Variants in DRICH1 observed in about 807,000 individuals in gnomAD.
The protein encoded by DRICH1 is aspartate rich 1.
Under a neutral mutation model 39.5 loss-of-function variants are expected in DRICH1, and 38 were observed. The observed-to-expected ratio is 0.96, with a 90% confidence interval of 0.74 to 1.26. The LOEUF is 1.26. Among genes scored for constraint, DRICH1 ranks in the 50% most tolerant of loss-of-function variants. DRICH1 has a pLI of 0.00. For synonymous variants in DRICH1, 84 were observed against 99.5 expected, an observed-to-expected ratio of 0.84 and a Z score of 0.93; for missense variants, 279 against 270.4, an observed-to-expected ratio of 1.03 and a Z score of -0.22.
the DRICH1 span, among the ~76,000 whole-genome samples, chr22:23,600,137 C>A: frequency 6.6e-6 from 1 of 152,138 alleles, no homozygotes; most frequent in Admixed American, 6.5e-5. Flanking sequence ...CCCTGGGAGG[C>A]CTCTTGGGGG....
the DRICH1 span, among the ~76,000 whole-genome samples, chr22:23,593,570 G>A: frequency 6.6e-6 from 1 of 152,240 alleles, no homozygotes; most frequent in Non-Finnish European, 1.5e-5. Flanking sequence ...GGAGGCCAAG[G>A]CAGGCGAATC....
chr22:23,581,581 C>A, the DRICH1 span: 1 of 151,352 alleles, frequency 6.6e-6, no homozygotes, highest in Non-Finnish European at 1.5e-5. Flanking sequence ...AAAGCAGTAA[C>A]ATACACACAA....
chr22:23,589,492 ATG>A, the DRICH1 span, among the ~76,000 whole-genome samples: 56,586 of 149,920 alleles, frequency 0.38, 10,772 homozygotes, highest in South Asian at 0.42. Context: ...ATATATATAT[ATG>A]TGTGTATGTG....
At chr22:23,617,681 C>T (rs760612458) in intron 6 of DRICH1, 24 bp from the exon 7 acceptor site, 89 of 1,611,512 alleles carry the variant, frequency 5.5e-5, no homozygotes, top group Non-Finnish European at 7.3e-5. Context: ...GAGGAAAGAT[C>T]CGTGCCCTGG....
At position 23,624,762 on chromosome 22, in the gene DRICH1, G is replaced by A. The variant is rs865799788; in HGVS notation, c.298+121C>T. ...CCTCTCTGCTCATAATTATACACTC[G>A]CAGAATCATTTGCTCTCACCAGACC... On this transcript the variant is annotated intron_variant, in intron 3 of 11. Coordinates refer to ENST00000317749, the MANE Select transcript of DRICH1 (RefSeq NM_016449.4). 1.1e-4 allele frequency: 133 copies of A among 1,200,276 alleles called. 1 individual carries two copies. Among genetic ancestry groups the A allele is most frequent in the Middle Eastern group, 6.2e-4 (3 of 4,836 alleles). The allele number at this position is 1,200,276 out of a possible 1,614,324, so 74.4% of individuals were successfully genotyped here. A position where few individuals can be genotyped will look rare whatever the true frequency, so the allele number is the denominator to read the frequency against.
Position 23,616,994 on chromosome 22 carries a change from G to C in DRICH1, c.520-120C>G, listed in dbSNP as rs145209361. The C allele has an allele frequency of 8.8e-4, 1,020 of 1,160,234 alleles. 17 individuals carry two copies. The East Asian group carries it at 0.022, about 25-fold the overall frequency. 71.9% of individuals were successfully genotyped at this position (1,160,234 alleles called of 1,614,324 possible). A position where few individuals can be genotyped will look rare whatever the true frequency, so the allele number is the denominator to read the frequency against. ...TATTTGTAAGACAGTGGTAAGTCAA[G>C]GTCAAAGACCAAACATTCTAGCATA... On this transcript the variant is annotated intron_variant, in intron 7 of 11. Transcript: ENST00000317749.
intron 11 of DRICH1, among the ~76,000 whole-genome samples, chr22:23,610,039 G>A (rs1423992980): frequency 3.9e-5 from 6 of 152,082 alleles, no homozygotes; most frequent in Non-Finnish European, 7.3e-5. Flanking sequence ...GTTCTGAGGA[G>A]CCCTCTGGTT....
the DRICH1 span, among the ~76,000 whole-genome samples, chr22:23,582,620 C>T: frequency 6.7e-6 from 1 of 149,930 alleles, no homozygotes; most frequent in African/African-American, 2.4e-5. Context: ...GGCTGAAGTG[C>T]AATGGTGCTA....
the DRICH1 span, among the ~76,000 whole-genome samples, chr22:23,601,724 C>G: frequency 6.8e-4 from 104 of 152,324 alleles, no homozygotes; most frequent in African/African-American, 2.5e-3. Flanking sequence ...CCTGGGATCC[C>G]TCTGTATGAT....
In DRICH1 at chr22:23,620,682, T is replaced by TGCAAC. The variant is rs1927671166; in HGVS notation, c.385-68_385-67insGTTGC. ...TTCTGCTGCACCCCTTACACAGATC[T>TGCAAC]GTTATTCTCTTGATGACTTCAGAAA... On this transcript the variant is annotated intron_variant, in intron 4 of 11. Coordinates refer to ENST00000317749, the MANE Select transcript of DRICH1 (RefSeq NM_016449.4). The TGCAAC allele has an allele frequency of 1.9e-6, 3 of 1,565,434 alleles. No homozygotes were observed. In the African/African-American group the frequency reaches 4.0e-5, roughly 21 times the overall value.
chr22:23,620,298 C>T (rs1733703955), intron 5 of DRICH1, among the ~76,000 whole-genome samples: 1 of 152,148 alleles, frequency 6.6e-6, no homozygotes, highest in African/African-American at 2.4e-5. Flanking sequence ...AACCTCTTCC[C>T]TGCTGAGATT....
At chr22:23,614,623 T>C (rs1343990845) in intron 8 of DRICH1, among the ~76,000 whole-genome samples, 2 of 152,216 alleles carry the variant, frequency 1.3e-5, no homozygotes, top group African/African-American at 2.4e-5. Flanking sequence ...TTTTAAAGGA[T>C]TTATTACTTA....
chr22:23,591,534 C>G, the DRICH1 span, among the ~76,000 whole-genome samples: 1 of 152,174 alleles, frequency 6.6e-6, no homozygotes, highest in East Asian at 1.9e-4. Flanking sequence ...ACTCCAAGCG[C>G]TTCCCACTTC....
chr22:23,610,994 T>C (rs76562500), intron 11 of DRICH1, among the ~76,000 whole-genome samples: 2,983 of 151,930 alleles, frequency 0.02, 102 homozygotes, highest in African/African-American at 0.068. Context: ...AACCCTTCAA[T>C]TGCACTCATA....
At chr22:23,632,460 CCTG>C (rs1218315391), upstream of DRICH1, 1 of 231,184 alleles carries the variant, frequency 4.3e-6, no homozygotes, top group Non-Finnish European at 8.6e-6. Flanking sequence ...AATGCCTGTC[CCTG>C]CTGCTGCCCA....
chr22:23,594,228 C>T, the DRICH1 span, among the ~76,000 whole-genome samples: 1 of 152,162 alleles, frequency 6.6e-6, no homozygotes, highest in East Asian at 1.9e-4. Flanking sequence ...ACATTATCAT[C>T]AAACTGGCAA....
In DRICH1 at chr22:23,608,459, A is replaced by G. The variant is rs2298372; in HGVS notation, c.*305T>C. On this transcript the variant is annotated 3_prime_UTR_variant, in exon 12 of 12. Coordinates refer to ENST00000317749, the MANE Select transcript of DRICH1 (RefSeq NM_016449.4). Reference sequence around the variant, plus strand: ...GCCACCTCTGCACCTGAATAAATGCACTCAGTCTCTTTATTTCAAGTGGGA... The same window carrying G: ...GCCACCTCTGCACCTGAATAAATGCGCTCAGTCTCTTTATTTCAAGTGGGA... 0.33 allele frequency: 150,383 copies of G among 462,390 alleles called. 25,966 individuals are homozygous for G. The highest frequency in any genetic ancestry group is 0.4 in the Middle Eastern group (690 of 1,726). The allele number at this position is 462,390 out of a possible 1,614,324, so 28.6% of individuals were successfully genotyped here.
At chr22:23,600,848 A>AT in the DRICH1 span, among the ~76,000 whole-genome samples, 1 of 151,486 alleles carries the variant, frequency 6.6e-6, no homozygotes, top group African/African-American at 2.4e-5. Flanking sequence ...AATTTTTTAT[A>AT]TTTTTAGTAG....
In DRICH1 at chr22:23,619,392, A is replaced by G. The variant is rs1927573789; in HGVS notation, c.408T>C (p.Gly136=). ...DAQILPSRVQ[G]GCYRFDSSSC... is the part of the protein sequence containing the mutation. ...AACTGCTATCAAACCGGTAACAGCC[A>G]CCTGCGGAGAAATGGAAAAGTTAAT... The change falls in exon 6 of 12, where the codon GGT becomes GGC. Residue 136 remains glycine (G), a splice_region_variant and synonymous_variant. Transcript: ENST00000317749. 1 of 780,650 alleles carries G rather than the reference A, an allele frequency of 1.3e-6. No homozygotes were observed. The highest frequency in any genetic ancestry group is 2.4e-5 in the East Asian group (1 of 41,230). The allele number at this position is 780,650 out of a possible 1,614,324, so 48.4% of individuals were successfully genotyped here.
Sources: allele counts gnomAD v4.1 joint callset (sites outside exome capture counted in the v4.1 genomes callset), GRCh38; gene constraint gnomAD v4.1.1; transcripts MANE v1.5; gene names NCBI Gene and HGNC (gene_info 2026-07-23, HGNC 2026-07-21).